The following FSIP2 variants were observed in gnomAD, a reference collection of about 807,000 sequenced individuals.
The protein encoded by FSIP2 is fibrous sheath-interacting protein 2.
Under a neutral mutation model 510.5 loss-of-function variants are expected in FSIP2, and 367 were observed. That is an observed-to-expected ratio of 0.72 (90% confidence interval 0.66 to 0.78). FSIP2 has a LOEUF of 0.78. Ranked by LOEUF, FSIP2 falls within the 30% of genes least tolerant of loss-of-function variation. The pLI is 0.00. For missense variants in FSIP2, 7,594 were observed against 7,901.7 expected (o/e 0.96, Z 1.48); for synonymous variants, 2,601 against 2,732.2 (o/e 0.95, Z 1.50).
Position 185,799,874 on chromosome 2 carries a change from A to T in FSIP2, c.10568A>T (p.Glu3523Val). 6.5e-7 allele frequency: 1 copy of T among 1,533,654 alleles called. No homozygotes were observed. Among genetic ancestry groups the T allele is most frequent in the Non-Finnish European group, 8.7e-7 (1 of 1,145,398 alleles). ...TCTGATGGCACCAAAAAGGGTAGAGAAAAAGAGAAAGCATGGGAAATTCAA... is the reference window on the plus strand; with the variant it reads ...TCTGATGGCACCAAAAAGGGTAGAGTAAAAGAGAAAGCATGGGAAATTCAA... Reference protein sequence around the residue: ...SISDGTKKGREKEKAWEIQEA... With the variant: ...SISDGTKKGRVKEKAWEIQEA... The change falls in exon 17 of 23, where the codon GAA becomes GTA. Residue 3523 changes from glutamate (E) to valine (V), a missense_variant. Transcript: ENST00000424728.
intron 11 of FSIP2, 69 bp from the exon 12 acceptor site, chr2:185,763,114 A>G: frequency 1.4e-6 from 1 of 730,878 alleles, no homozygotes; most frequent in Non-Finnish European, 2.4e-6. Context: ...GTAATGCTGT[A>G]AATTAATATT....
In FSIP2 at chr2:185,825,847, C is replaced by T. The variant is rs190850777; in HGVS notation, c.20473+1367C>T. On this transcript the variant is annotated intron_variant, in intron 20 of 22. Coordinates refer to ENST00000424728, the MANE Select transcript of FSIP2 (RefSeq NM_173651.4). Reference sequence around the variant, plus strand: ...TTAACTCAGAGTAGGAAGTCCCATCCCAAGGGTAAGGACTTAAACAAGATA... The same window carrying T: ...TTAACTCAGAGTAGGAAGTCCCATCTCAAGGGTAAGGACTTAAACAAGATA... Among the ~76,000 whole-genome samples the T allele has an allele frequency of 3.9e-3, 599 of 151,812 alleles. 1 individual carries two copies. Among genetic ancestry groups the T allele is most frequent in the Middle Eastern group, 0.01 (3 of 294 alleles).
rs372823647 is a variant in FSIP2, at chr2:185,807,932, T to G, written c.18626T>G (p.Met6209Arg). 7 of 1,604,192 alleles carry G rather than the reference T, an allele frequency of 4.4e-6. No homozygotes were observed. In the South Asian group the frequency reaches 7.9e-5, roughly 18 times the overall value. ...KERTKSLETD[M>R]QKITSKVLNS... is the part of the protein sequence containing the mutation. ...AGAACAAAATCTCTAGAGACTGATA[T>G]GCAAAAAATAACTTCAAAAGTACTA... Residue 6209 changes from methionine to arginine, a missense_variant, in exon 17 of 23, where the codon ATG becomes AGG. By Grantham distance (91) the Met-to-Arg change is moderately conservative. Coordinates refer to ENST00000424728, the MANE Select transcript of FSIP2 (RefSeq NM_173651.4).
chr2:185,802,499 G>A lies in FSIP2; in HGVS notation c.13193G>A (p.Ser4398Asn). 3.3e-6 allele frequency: 5 copies of A among 1,532,706 alleles called. No homozygotes were observed. Among genetic ancestry groups the A allele is most frequent in the Non-Finnish European group, 4.4e-6 (5 of 1,145,030 alleles). 94.9% of individuals were successfully genotyped at this position (1,532,706 alleles called of 1,614,324 possible). The change falls in exon 17 of 23, where the codon AGT becomes AAT. Residue 4398 changes from serine (S) to asparagine (N), a missense_variant. Ser to Asn is a conservative substitution (Grantham distance 46). Coordinates refer to ENST00000424728, the MANE Select transcript of FSIP2 (RefSeq NM_173651.4). The part of the protein sequence containing the change: ...DLAVDKESED[S>N]GIFVENITNL... ...GCTGTTGATAAAGAGTCTGAAGACA[G>A]TGGCATTTTTGTGGAAAATATTACC...
At chr2:185,771,310 G>C (rs1692602897) in intron 13 of FSIP2, among the ~76,000 whole-genome samples, 1 of 152,206 alleles carries the variant, frequency 6.6e-6, no homozygotes, top group Non-Finnish European at 1.5e-5. Flanking sequence ...TGCCCTACTA[G>C]AGTCTCTCTG....
At chr2:185,739,145 G>A (rs865806996) in intron 1 of FSIP2, 152 bp downstream of exon 1, 31 of 1,201,192 alleles carry the variant, frequency 2.6e-5, no homozygotes, top group Non-Finnish European at 3.2e-5. Context: ...GGTGGCGGTG[G>A]CTCGGACTGT....
At chr2:185,751,486 T>TGTGTGTGTGTGTGTGTGTGTGCGC (rs1692146805) in intron 7 of FSIP2, among the ~76,000 whole-genome samples, 2 of 149,566 alleles carry the variant, frequency 1.3e-5, no homozygotes, top group Admixed American at 1.3e-4. Flanking sequence ...TGTGTGTGTG[T>TGTGTGTGTGTGTGTGTGTGTGCGC]GTGTGTGTGT....
chr2:185,778,374 A>G (rs1018241426), intron 13 of FSIP2, among the ~76,000 whole-genome samples: 2 of 152,068 alleles, frequency 1.3e-5, no homozygotes, highest in African/African-American at 4.8e-5. Flanking sequence ...ACTTTTTAGA[A>G]CAGTATGTGA....
intron 9 of FSIP2, among the ~76,000 whole-genome samples, chr2:185,758,339 A>G (rs1277940663): frequency 6.6e-6 from 1 of 151,150 alleles, no homozygotes; most frequent in East Asian, 1.9e-4. Context: ...GACCCCTTGC[A>G]CAGTAAAAAA....
chr2:185,745,393 C>T lies in FSIP2; in HGVS notation c.478-36C>T, dbSNP rs923353718. 57 of 1,273,334 alleles carry T rather than the reference C, an allele frequency of 4.5e-5. No homozygotes were observed. The East Asian group carries it at 1.5e-3, about 33-fold the overall frequency. 78.9% of individuals were successfully genotyped at this position (1,273,334 alleles called of 1,614,324 possible). The stretch of plus-strand genomic sequence containing the variant: ...TTTTATTTCTGGGAAATGTAAAAAG[C>T]ATTATATATATGTAATACACACATT... On this transcript the variant is annotated intron_variant, in intron 4 of 22. Coordinates refer to ENST00000424728, the MANE Select transcript of FSIP2 (RefSeq NM_173651.4).
At chr2:185,783,260 T>C (rs1209867499) in intron 14 of FSIP2, among the ~76,000 whole-genome samples, 2 of 152,200 alleles carry the variant, frequency 1.3e-5, no homozygotes, top group Admixed American at 1.3e-4. Context: ...AGATAGTTGT[T>C]AAGCCCAGGG....
At chr2:185,782,610 T>C in intron 13 of FSIP2, 95 bp from the exon 14 acceptor site, 1 of 757,316 alleles carries the variant, frequency 1.3e-6, no homozygotes, top group South Asian at 1.5e-5. Context: ...AACGAGGCAG[T>C]GATAACAGAA....
intron 19 of FSIP2, among the ~76,000 whole-genome samples, chr2:185,819,078 G>A (rs577369109): frequency 1.4e-3 from 214 of 152,020 alleles, no homozygotes; most frequent in South Asian, 2.1e-3. Flanking sequence ...CATAAAATGG[G>A]TAGGGGGCAA....
intron 17 of FSIP2, among the ~76,000 whole-genome samples, chr2:185,812,735 T>C (rs1330274999): frequency 2.0e-5 from 3 of 152,094 alleles, no homozygotes; most frequent in Admixed American, 6.6e-5. Context: ...GCACAGATAA[T>C]CAAAATTTAT....
At chr2:185,757,790 T>C (rs989550018) in intron 9 of FSIP2, among the ~76,000 whole-genome samples, 1 of 151,378 alleles carries the variant, frequency 6.6e-6, no homozygotes. Context: ...TCAAGGCATT[T>C]ATTTTGGTTT....
In FSIP2 at chr2:185,803,965, A is replaced by G. The variant is rs1052688482; in HGVS notation, c.14659A>G (p.Ile4887Val). The change falls in exon 17 of 23, where the codon ATA (isoleucine) becomes GTA (valine). Residue 4887 changes from isoleucine to valine, a missense_variant. Coordinates refer to ENST00000424728, the MANE Select transcript of FSIP2 (RefSeq NM_173651.4). Reference protein sequence around the residue: ...YQSITKDKKSISDIPVSKIAS... With the variant: ...YQSITKDKKSVSDIPVSKIAS... ...GTCCATTACAAAAGATAAAAAGAGC[A>G]TAAGTGACATACCTGTTTCAAAAAT... 4.0e-6 allele frequency: 6 copies of G among 1,503,466 alleles called. No individual in the cohort carries two copies. The highest frequency in any genetic ancestry group is 5.3e-6 in the Non-Finnish European group (6 of 1,128,042). 93.1% of individuals were successfully genotyped at this position (1,503,466 alleles called of 1,614,324 possible).
intron 5 of FSIP2, among the ~76,000 whole-genome samples, chr2:185,745,936 T>C (rs1056594323): frequency 1.3e-5 from 2 of 152,132 alleles, no homozygotes; most frequent in African/African-American, 4.8e-5. Flanking sequence ...AAAAAGTAAG[T>C]TTGGAATAAC....
In FSIP2 at chr2:185,805,432, A is replaced by G. The variant is rs781459945; in HGVS notation, c.16126A>G (p.Ile5376Val). ...TATTCAAAAAGGTGATGAAAGTAAC[A>G]TTGCTATAGGGATGATTGCTGCTCT... ...HDIQKGDESN[I>V]AIGMIAALTQ... Residue 5376 changes from isoleucine (I) to valine (V), a missense_variant, in exon 17 of 23, where the codon ATT becomes GTT. By Grantham distance (29) the Ile-to-Val change is conservative (BLOSUM62 3). Coordinates refer to ENST00000424728, the MANE Select transcript of FSIP2 (RefSeq NM_173651.4). The G allele has an allele frequency of 1.2e-6, 2 of 1,605,714 alleles. No homozygotes were observed. Among genetic ancestry groups the G allele is most frequent in the African/African-American group, 2.7e-5 (2 of 74,348 alleles).
chr2:185,782,632 A>G (rs1692876650), intron 13 of FSIP2, 73 bp from the exon 14 acceptor site: 1 of 849,652 alleles, frequency 1.2e-6, no homozygotes, highest in Admixed American at 2.0e-5. Flanking sequence ...ATAAATACCT[A>G]CTGGAGGATT....
Sources: allele counts gnomAD v4.1 joint callset (sites outside exome capture counted in the v4.1 genomes callset), GRCh38; gene constraint gnomAD v4.1.1; transcripts MANE v1.5; gene names NCBI Gene and HGNC (gene_info 2026-07-23, HGNC 2026-07-21).